Variants in LRRIQ4 observed in about 807,000 individuals in gnomAD.
The protein encoded by LRRIQ4 is leucine rich repeats and IQ motif containing 4.
Under a neutral mutation model 40.1 loss-of-function variants are expected in LRRIQ4, and 21 were observed. The ratio of observed to expected loss-of-function variants is 0.52; its 90% CI spans 0.37 to 0.75. The LOEUF (loss-of-function observed/expected upper bound fraction) is 0.75, where lower values mean the gene tolerates loss of function less well. Among genes scored for constraint, LRRIQ4 ranks in the 30% least tolerant of loss-of-function variants. The pLI, the probability that LRRIQ4 is intolerant of heterozygous loss-of-function variation, is 0.00. For missense variants in LRRIQ4, 655 were observed against 660.0 expected, an observed-to-expected ratio of 0.99 and a Z score of 0.08; for synonymous variants, 277 against 277.1, an observed-to-expected ratio of 1.00 and a Z score of 0.00.
intron 4 of LRRIQ4, among the ~76,000 whole-genome samples, chr3:169,831,059 A>G (rs1049733965): frequency 6.6e-6 from 1 of 152,120 alleles, no homozygotes; most frequent in Middle Eastern, 3.2e-3. Flanking sequence ...TCTTGGAGCT[A>G]CATAATTGAC....
At chr3:169,833,314 C>T in intron 5 of LRRIQ4, 131 bp downstream of exon 5, 2 of 709,286 alleles carry the variant, frequency 2.8e-6, no homozygotes, top group Non-Finnish European at 4.5e-6. Flanking sequence ...TACTTGGTAA[C>T]TTTTATGTCC....
intron 1 of LRRIQ4, among the ~76,000 whole-genome samples, 197 bp from the exon 2 acceptor site, chr3:169,821,694 T>C (rs369172013): frequency 3.9e-4 from 60 of 151,934 alleles, no homozygotes; most frequent in African/African-American, 1.4e-3. Context: ...TTTTTTTTCA[T>C]GTGAGTCTAC....
At chr3:169,827,058 G>C (rs544580604) in intron 2 of LRRIQ4, among the ~76,000 whole-genome samples, 2 of 152,290 alleles carry the variant, frequency 1.3e-5, no homozygotes, top group East Asian at 3.9e-4. Context: ...CATCCATAGA[G>C]AGGTGGGGGT....
chr3:169,819,515 C>A (rs1026550281), intron 1 of LRRIQ4, among the ~76,000 whole-genome samples: 1 of 152,124 alleles, frequency 6.6e-6, no homozygotes, highest in Non-Finnish European at 1.5e-5. Flanking sequence ...ACAATAAAAT[C>A]AAGTCTAAAA....
chr3:169,819,961 A>G (rs1332712442), intron 1 of LRRIQ4, among the ~76,000 whole-genome samples: 1 of 152,238 alleles, frequency 6.6e-6, no homozygotes, highest in African/African-American at 2.4e-5. Flanking sequence ...AAACAAAATC[A>G]GTGTTAAATC....
chr3:169,828,503 G>T (rs1780090500), intron 2 of LRRIQ4, among the ~76,000 whole-genome samples: 1 of 152,110 alleles, frequency 6.6e-6, no homozygotes, highest in South Asian at 2.1e-4. Flanking sequence ...CAAAGTGCTG[G>T]GATTAAAGGC....
intron 3 of LRRIQ4, 88 bp from the exon 4 acceptor site, chr3:169,830,404 A>AAAAAAAAAAAAAAAAAAAAAAAAAAAC: frequency 1.8e-6 from 1 of 570,130 alleles, no homozygotes. Context: ...AAAAAAAAAA[A>AAAAAAAAAAAAAAAAAAAAAAAAAAAC]AAAAATGCAT....
intron 5 of LRRIQ4, among the ~76,000 whole-genome samples, chr3:169,835,961 T>C (rs1333413479): frequency 1.3e-5 from 2 of 152,142 alleles, no homozygotes; most frequent in South Asian, 2.1e-4. Context: ...ATCCACCTTA[T>C]ATAAAACAGC....
chr3:169,837,407 T>A (rs763567273), intron 5 of LRRIQ4, 72 bp from the exon 6 acceptor site: 5 of 1,475,092 alleles, frequency 3.4e-6, no homozygotes, highest in Non-Finnish European at 4.6e-6. Context: ...TGTATCAGAA[T>A]AAAGAGATTT....
chr3:169,822,345 C>T lies in LRRIQ4; in HGVS notation c.424C>T (p.His142Tyr), dbSNP rs770894247. The T allele has an allele frequency of 5.4e-5, 87 of 1,613,682 alleles. 3 individuals carry two copies. In the Middle Eastern group the frequency reaches 6.6e-4, roughly 12 times the overall value. Reference protein sequence around the residue: ...EIPVVIFKNLHHLELLGLTGN... With the variant: ...EIPVVIFKNLYHLELLGLTGN... Reference sequence around the variant, plus strand: ...TCCCGTCGTCATCTTTAAAAACCTCCACCATCTCGAGCTGCTCGGACTGAC... The same window carrying T: ...TCCCGTCGTCATCTTTAAAAACCTCTACCATCTCGAGCTGCTCGGACTGAC... Residue 142 changes from histidine (H) to tyrosine (Y), a missense_variant, in exon 2 of 6, where the codon CAC (histidine) becomes TAC (tyrosine). Transcript: ENST00000340806.
Position 169,826,831 on chromosome 3 carries a change from T to C in LRRIQ4, c.1021-1928T>C, listed in dbSNP as rs558503758. 6.3e-4 allele frequency among the ~76,000 whole-genome samples: 96 copies of C among 152,346 alleles called. 2 individuals are homozygous for C. Among genetic ancestry groups the C allele is most frequent in the African/African-American group, 2.2e-3 (93 of 41,580 alleles). ...CTTAAACATCAGTTTCTCCAAAGAT[T>C]GACTTCATCTAATTAAAATAAATAG... On this transcript the variant is annotated intron_variant, in intron 2 of 5. Coordinates refer to ENST00000340806, the MANE Select transcript of LRRIQ4 (RefSeq NM_001080460.3).
chr3:169,825,409 A>G (rs1178724529), intron 2 of LRRIQ4, among the ~76,000 whole-genome samples: 3 of 152,190 alleles, frequency 2.0e-5, no homozygotes, highest in Non-Finnish European at 4.4e-5. Flanking sequence ...TTTGATGGTA[A>G]CTTGTAGATT....
intron 5 of LRRIQ4, among the ~76,000 whole-genome samples, chr3:169,836,409 A>G (rs371292439): frequency 1.3e-5 from 2 of 152,174 alleles, no homozygotes; most frequent in African/African-American, 4.8e-5. Flanking sequence ...GAGTATCAGC[A>G]TGATTGGAGT....
rs377497941 is a variant in LRRIQ4, at chr3:169,822,323, C to T, written c.402C>T (p.Pro134=). 5.9e-5 allele frequency: 95 copies of T among 1,613,766 alleles called. No homozygotes were observed. Among genetic ancestry groups the T allele is most frequent in the Non-Finnish European group, 7.5e-5 (88 of 1,179,848 alleles). The change falls in exon 2 of 6, where the codon CCC becomes CCT. Residue 134 remains proline (P), a synonymous_variant. Coordinates refer to ENST00000340806, the MANE Select transcript of LRRIQ4 (RefSeq NM_001080460.3). ...RLYQTDLKEI[P]VVIFKNLHHL... Reference sequence around the variant, plus strand: ...ACCAGACCGACCTGAAGGAAATTCCCGTCGTCATCTTTAAAAACCTCCACC... The same window carrying T: ...ACCAGACCGACCTGAAGGAAATTCCTGTCGTCATCTTTAAAAACCTCCACC...
At chr3:169,829,674 T>C (rs984890469) in intron 3 of LRRIQ4, among the ~76,000 whole-genome samples, 8 of 152,116 alleles carry the variant, frequency 5.3e-5, no homozygotes, top group African/African-American at 1.9e-4. Context: ...GCTAATTTTG[T>C]ATTTTTAGTA....
chr3:169,824,679 A>C (rs1188634705), intron 2 of LRRIQ4, among the ~76,000 whole-genome samples: 1 of 151,802 alleles, frequency 6.6e-6, no homozygotes, highest in East Asian at 1.9e-4. Flanking sequence ...CACCCGGCTA[A>C]TTTTTGTATT....
At chr3:169,818,532 T>G (rs1241209098) in intron 1 of LRRIQ4, among the ~76,000 whole-genome samples, 1 of 152,196 alleles carries the variant, frequency 6.6e-6, no homozygotes, top group Non-Finnish European at 1.5e-5. Context: ...GAATTTTCTT[T>G]CTGGTATAGG....
At chr3:169,826,527 T>TTCTTC (rs766996633) in intron 2 of LRRIQ4, among the ~76,000 whole-genome samples, 1 of 152,224 alleles carries the variant, frequency 6.6e-6, no homozygotes, top group Non-Finnish European at 1.5e-5. Context: ...ACATCTAGAT[T>TTCTTC]TCTTCTCATT....
rs148153712 is a variant in LRRIQ4 at position 169,814,784 on chromosome 3, C to T, written c.-32+1738C>T. On this transcript the variant is annotated intron_variant, in intron 1 of 5. Transcript: ENST00000340806. ...ACAGGCGTGAGGCACTATGCCTGGCCCTTTAATCCATTTTGATTTGATTTT... is the reference window on the plus strand; with the variant it reads ...ACAGGCGTGAGGCACTATGCCTGGCTCTTTAATCCATTTTGATTTGATTTT... Among the ~76,000 whole-genome samples, 4 of 152,238 alleles carry T rather than the reference C, an allele frequency of 2.6e-5. No individual in the cohort carries two copies. The East Asian group carries it at 7.7e-4, about 29-fold the overall frequency.
Sources: allele counts gnomAD v4.1 joint callset (sites outside exome capture counted in the v4.1 genomes callset), GRCh38; gene constraint gnomAD v4.1.1; transcripts MANE v1.5; gene names NCBI Gene and HGNC (gene_info 2026-07-23, HGNC 2026-07-21).